The following DOCK10 variants were observed in gnomAD, a reference collection of about 807,000 sequenced individuals.
The protein encoded by DOCK10 is dedicator of cytokinesis 10.
Under a neutral mutation model 280.1 loss-of-function variants are expected in DOCK10, and 145 were observed. The ratio of observed to expected loss-of-function variants is 0.52; its 90% CI spans 0.45 to 0.59. The LOEUF is 0.59. Among genes scored for constraint, DOCK10 ranks in the 20% least tolerant of loss-of-function variants. The probability of loss-of-function intolerance (pLI) is 0.00; values close to 1 mark genes in which losing one functional copy is unlikely to be tolerated. For missense variants in DOCK10, 2,368 were observed against 2,651.7 expected (o/e 0.89, Z 2.35); for synonymous variants, 915 against 942.2 (o/e 0.97, Z 0.53).
At chr2:224,813,161 A>G (rs1245061822) in intron 31 of DOCK10, among the ~76,000 whole-genome samples, 1 of 152,226 alleles carries the variant, frequency 6.6e-6, no homozygotes, top group Non-Finnish European at 1.5e-5. Flanking sequence ...CAACGCATAC[A>G]TATATCAAAA....
chr2:224,772,061 C>T (rs1476566051), intron 53 of DOCK10, among the ~76,000 whole-genome samples: 1 of 152,104 alleles, frequency 6.6e-6, no homozygotes, highest in Non-Finnish European at 1.5e-5. Context: ...GCTGGGATTA[C>T]AGGCGTGTGC....
rs1289373465 is a variant in DOCK10 at position 224,948,010 on chromosome 2, T to C, written c.124-16342A>G. Among the ~76,000 whole-genome samples the C allele has an allele frequency of 3.9e-5, 6 of 152,230 alleles. 1 individual carries two copies. The highest frequency in any genetic ancestry group is 3.9e-4 in the Admixed American group (6 of 15,286). On this transcript the variant is annotated intron_variant, in intron 1 of 55. Coordinates refer to ENST00000258390, the MANE Select transcript of DOCK10 (RefSeq NM_014689.3). ...ATATTGTGCTTTGAAATATTAGCTA[T>C]TGATAAAAGCCATATAATTGATAAA...
intron 1 of DOCK10, among the ~76,000 whole-genome samples, chr2:224,961,240 A>T (rs1373324966): frequency 3.3e-5 from 5 of 152,200 alleles, no homozygotes; most frequent in African/African-American, 4.8e-5. Flanking sequence ...AGAGATTTAC[A>T]ATGGCAACTA....
intron 1 of DOCK10, among the ~76,000 whole-genome samples, chr2:224,944,492 A>G (rs529010184): frequency 6.6e-6 from 1 of 152,344 alleles, no homozygotes; most frequent in South Asian, 2.1e-4. Flanking sequence ...TTCAGAATGC[A>G]CAGTACCAAA....
intron 3 of DOCK10, among the ~76,000 whole-genome samples, chr2:224,915,239 T>C (rs1213801068): frequency 2.0e-5 from 3 of 152,164 alleles, no homozygotes; most frequent in Admixed American, 1.3e-4. Flanking sequence ...AAAAATTATT[T>C]GCCAACTTTT....
In DOCK10 at chr2:224,806,212, T is replaced by C. The variant is rs375605585; in HGVS notation, c.3728A>G (p.Asn1243Ser). Residue 1243 changes from asparagine (N) to serine (S), a missense_variant, in exon 34 of 56, where the codon AAT becomes AGT. Asn to Ser is a conservative substitution (Grantham distance 46). Coordinates refer to ENST00000258390, the MANE Select transcript of DOCK10 (RefSeq NM_014689.3). ...AGCTGTCTGGCTTTGAAATCCTCCA[T>C]TGGTGCTTAGATCATCTCTAGACCC... ...NQGSRDDLST[N>S]GGFQSQTAIK... 2.0e-5 allele frequency: 32 copies of C among 1,608,924 alleles called. No homozygotes were observed. The African/African-American group carries it at 3.5e-4, about 18-fold the overall frequency.
intron 9 of DOCK10, 144 bp downstream of exon 9, chr2:224,874,522 A>T (rs1482124596): frequency 1.1e-6 from 1 of 933,546 alleles, no homozygotes; most frequent in Non-Finnish European, 1.7e-6. Flanking sequence ...TGTGTATGTT[A>T]ATGAAAACAC....
chr2:224,785,456 A>C (rs186014041), intron 50 of DOCK10, among the ~76,000 whole-genome samples: 83 of 152,230 alleles, frequency 5.5e-4, no homozygotes, highest in Non-Finnish European at 1.1e-3. Context: ...TCCAGGTAGA[A>C]AGTATCTGCC....
At chr2:224,852,894 G>A (rs146718277) in intron 17 of DOCK10, 41 bp downstream of exon 17, 14 of 1,477,492 alleles carry the variant, frequency 9.5e-6, no homozygotes, top group East Asian at 4.6e-5. Context: ...GTCTAAATAC[G>A]GTGAAAAGAA....
At chr2:224,918,979 GTGTT>G (rs1420263640) in intron 2 of DOCK10, among the ~76,000 whole-genome samples, 1 of 148,822 alleles carries the variant, frequency 6.7e-6, no homozygotes, top group Non-Finnish European at 1.5e-5. Context: ...TGTGGTGTGT[GTGTT>G]TGTGGTAAGT....
intron 1 of DOCK10, among the ~76,000 whole-genome samples, chr2:224,985,462 G>A (rs1007198255): frequency 5.7e-4 from 86 of 151,882 alleles, no homozygotes; most frequent in African/African-American, 2.0e-3. Flanking sequence ...AAATGTTCTT[G>A]TTTCAAAGCA....
At chr2:224,796,916 A>G (rs1574837107) in intron 43 of DOCK10, 48 bp downstream of exon 43, 1 of 1,559,948 alleles carries the variant, frequency 6.4e-7, no homozygotes, top group Non-Finnish European at 8.8e-7. Flanking sequence ...CTGCTGAAAC[A>G]GATCAGTGGT....
At chr2:224,791,449 G>C (rs1439457883) in intron 47 of DOCK10, among the ~76,000 whole-genome samples, 1 of 151,310 alleles carries the variant, frequency 6.6e-6, no homozygotes, top group Non-Finnish European at 1.5e-5. Context: ...AGTTTGCTTT[G>C]GTCATTTGGT....
At chr2:224,818,398 C>CCTT (rs760865138) in intron 29 of DOCK10, among the ~76,000 whole-genome samples, 34 of 126,440 alleles carry the variant, frequency 2.7e-4, no homozygotes, top group African/African-American at 1.1e-3. Context: ...TGGCCCCTGC[C>CCTT]TTTTTTTTTT....
intron 52 of DOCK10, among the ~76,000 whole-genome samples, chr2:224,773,820 C>T (rs1013282667): frequency 6.6e-6 from 1 of 151,844 alleles, no homozygotes; most frequent in Non-Finnish European, 1.5e-5. Context: ...TTAGTAGAGA[C>T]GGGGTTTCAC....
intron 28 of DOCK10, among the ~76,000 whole-genome samples, chr2:224,822,113 C>T (rs11902361): frequency 2.0e-5 from 3 of 152,296 alleles, no homozygotes; most frequent in African/African-American, 7.2e-5. Flanking sequence ...CATTCTCACA[C>T]TCACCCATAT....
At chr2:225,008,248 C>T (rs1689332298) in intron 1 of DOCK10, among the ~76,000 whole-genome samples, 1 of 152,158 alleles carries the variant, frequency 6.6e-6, no homozygotes, top group Non-Finnish European at 1.5e-5. Context: ...ATCCTCTCTC[C>T]TCAACCTCCA....
intron 1 of DOCK10, among the ~76,000 whole-genome samples, chr2:224,933,701 C>T (rs1469995626): frequency 6.6e-6 from 1 of 152,166 alleles, no homozygotes; most frequent in East Asian, 1.9e-4. Context: ...TTGGTATTTA[C>T]AGCAATAGTC....
chr2:225,000,071 C>T (rs150090660), intron 1 of DOCK10, among the ~76,000 whole-genome samples: 2 of 152,248 alleles, frequency 1.3e-5, no homozygotes, highest in Non-Finnish European at 2.9e-5. Flanking sequence ...ATGTGAATTT[C>T]AATTTCATAC....
Sources: allele counts gnomAD v4.1 joint callset (sites outside exome capture counted in the v4.1 genomes callset), GRCh38; gene constraint gnomAD v4.1.1; transcripts MANE v1.5; gene names NCBI Gene and HGNC (gene_info 2026-07-23, HGNC 2026-07-21).